Variants in NCALD observed in about 807,000 individuals in gnomAD.
NCALD encodes the protein neurocalcin-delta.
Under a neutral mutation model 18.6 loss-of-function variants are expected in NCALD, and 10 were observed. The observed-to-expected ratio is 0.54, with a 90% CI of 0.33 to 0.91. The LOEUF (loss-of-function observed/expected upper bound fraction) is 0.91. Among genes scored for constraint, NCALD ranks in the 40% least tolerant of loss-of-function variants. NCALD has a pLI of 0.03. For synonymous variants in NCALD, 88 were observed against 87.4 expected, an observed-to-expected ratio of 1.01 and a Z score of -0.04; for missense variants, 184 against 247.6, an observed-to-expected ratio of 0.74 and a Z score of 1.72.
intron 2 of NCALD, among the ~76,000 whole-genome samples, chr8:102,000,886 C>G (rs1157328048): frequency 2.0e-5 from 3 of 152,216 alleles, no homozygotes; most frequent in Non-Finnish European, 4.4e-5. Flanking sequence ...ACGTCACCAT[C>G]ATCAAAGACC....
chr8:101,800,019 A>C (rs1014136636), intron 4 of NCALD, among the ~76,000 whole-genome samples: 5 of 152,210 alleles, frequency 3.3e-5, no homozygotes, highest in Non-Finnish European at 5.9e-5. Flanking sequence ...GAATTTTTAA[A>C]ATGAAGGTGA....
At chr8:101,735,475 C>T (rs969744016) in intron 1 of NCALD, among the ~76,000 whole-genome samples, 2 of 152,162 alleles carry the variant, frequency 1.3e-5, no homozygotes, top group South Asian at 2.1e-4. Context: ...CCCAGCCTCC[C>T]CTCTCAGGTC....
At chr8:101,856,906 T>C (rs1815342559) in intron 4 of NCALD, among the ~76,000 whole-genome samples, 1 of 152,156 alleles carries the variant, frequency 6.6e-6, no homozygotes, top group African/African-American at 2.4e-5. Context: ...CCACCTCTGA[T>C]ACAGCCTTAT....
At chr8:101,774,930 G>T (rs912719016) in intron 1 of NCALD, among the ~76,000 whole-genome samples, 7 of 152,180 alleles carry the variant, frequency 4.6e-5, no homozygotes, top group African/African-American at 1.7e-4. Context: ...AGATATCCAG[G>T]TCTGACAGCC....
At chr8:101,880,510 G>A (rs996615410) in intron 4 of NCALD, among the ~76,000 whole-genome samples, 25 of 152,230 alleles carry the variant, frequency 1.6e-4, no homozygotes, top group Non-Finnish European at 1.8e-4. Flanking sequence ...GGAGGCCGAG[G>A]CCAAGGAGGC....
intron 1 of NCALD, among the ~76,000 whole-genome samples, chr8:101,725,838 A>C (rs1194801302): frequency 1.3e-5 from 2 of 152,316 alleles, no homozygotes; most frequent in East Asian, 3.9e-4. Flanking sequence ...CACAATACAT[A>C]AAATAAGTAA....
chr8:101,758,984 G>C (rs897488338), intron 1 of NCALD, among the ~76,000 whole-genome samples: 26 of 152,132 alleles, frequency 1.7e-4, no homozygotes, highest in Admixed American at 4.6e-4. Context: ...TAAGGATGCT[G>C]AATCTCCACT....
chr8:102,063,412 C>T (rs962138197), intron 1 of NCALD, among the ~76,000 whole-genome samples: 1 of 152,028 alleles, frequency 6.6e-6, no homozygotes, highest in African/African-American at 2.4e-5. Context: ...AACTCAGGAC[C>T]GACCAATGCT....
chr8:101,988,920 A>C (rs903274065), intron 2 of NCALD, among the ~76,000 whole-genome samples: 14 of 151,502 alleles, frequency 9.2e-5, no homozygotes, highest in African/African-American at 2.2e-4. Flanking sequence ...AAAAAAAAAA[A>C]AAAACAGAGA....
At chr8:101,764,498 A>G (rs1036297855) in intron 1 of NCALD, among the ~76,000 whole-genome samples, 8 of 152,222 alleles carry the variant, frequency 5.3e-5, no homozygotes, top group Admixed American at 2.6e-4. Context: ...AAGTGGCACC[A>G]AAGTCCCATT....
intron 3 of NCALD, among the ~76,000 whole-genome samples, chr8:101,900,387 A>G (rs1475001591): frequency 6.6e-6 from 1 of 151,582 alleles, no homozygotes. Flanking sequence ...TGCTTTGGGT[A>G]TATTTGGCTC....
At chr8:101,691,797 C>T (rs544062136) in intron 3 of NCALD, 62 of 985,196 alleles carry the variant, frequency 6.3e-5, no homozygotes, top group Non-Finnish European at 7.1e-5. Flanking sequence ...CTCTGTACTG[C>T]GAAGCCGCCT....
At chr8:101,853,146 C>A (rs967578414) in intron 4 of NCALD, among the ~76,000 whole-genome samples, 4 of 152,160 alleles carry the variant, frequency 2.6e-5, no homozygotes, top group African/African-American at 9.7e-5. Context: ...CAGTACCTAC[C>A]TCATAGGGTT....
chr8:101,695,019 C>T (rs1814923311), intron 2 of NCALD, among the ~76,000 whole-genome samples: 1 of 152,166 alleles, frequency 6.6e-6, no homozygotes, highest in African/African-American at 2.4e-5. Context: ...TAACTCTTGA[C>T]ATAGTCAAAA....
At chr8:101,704,644 C>T (rs537589663) in intron 2 of NCALD, among the ~76,000 whole-genome samples, 44 of 152,198 alleles carry the variant, frequency 2.9e-4, no homozygotes, top group Admixed American at 7.8e-4. Context: ...GGGCCGGGCG[C>T]GGTGGTTCAT....
chr8:102,095,211 C>A (rs1825052550), intron 1 of NCALD, among the ~76,000 whole-genome samples: 3 of 152,034 alleles, frequency 2.0e-5, no homozygotes, highest in South Asian at 2.1e-4. Flanking sequence ...TTCCTCCTGC[C>A]CCATCCAGGA....
chr8:102,061,380 G>C (rs952818735), intron 1 of NCALD, among the ~76,000 whole-genome samples: 1 of 152,130 alleles, frequency 6.6e-6, no homozygotes, highest in Non-Finnish European at 1.5e-5. Flanking sequence ...AAACAAAAGG[G>C]AGTTGGTCAC....
chr8:102,067,796 A>G (rs1046413846), intron 1 of NCALD, among the ~76,000 whole-genome samples: 7 of 152,168 alleles, frequency 4.6e-5, no homozygotes, highest in African/African-American at 1.7e-4. Flanking sequence ...GGTAGAGAAT[A>G]AAGAACTAAA....
chr8:101,748,616 T>A (rs1199568569), intron 1 of NCALD, among the ~76,000 whole-genome samples: 1 of 152,224 alleles, frequency 6.6e-6, no homozygotes, highest in Admixed American at 6.5e-5. Context: ...GAACCAGTGC[T>A]TTACACACAC....
Sources: allele counts gnomAD v4.1 joint callset (sites outside exome capture counted in the v4.1 genomes callset), GRCh38; gene constraint gnomAD v4.1.1; transcripts MANE v1.5; gene names NCBI Gene and HGNC (gene_info 2026-07-23, HGNC 2026-07-21).